The following NTN1 variants were observed in gnomAD, a reference collection of about 807,000 sequenced individuals.
NTN1 encodes the protein netrin 1.
In NTN1, 11 loss-of-function variants were observed where a neutral mutation model predicts 54.2. The observed-to-expected ratio is 0.20, with a 90% CI of 0.13 to 0.34. NTN1 has a LOEUF of 0.34. NTN1 is among the 10% of genes least tolerant of loss of function. NTN1 has a pLI of 1.00. For synonymous variants in NTN1, 371 were observed against 382.0 expected, an observed-to-expected ratio of 0.97 and a Z score of 0.33; for missense variants, 740 against 893.1, an observed-to-expected ratio of 0.83 and a Z score of 2.18.
At chr17:9,113,408 C>T (rs1167066647) in intron 2 of NTN1, among the ~76,000 whole-genome samples, 1 of 152,122 alleles carries the variant, frequency 6.6e-6, no homozygotes, top group Non-Finnish European at 1.5e-5. Flanking sequence ...TAAAGGCTCA[C>T]AGGAACTTAA....
At chr17:9,195,673 G>A (rs1273752925) in intron 5 of NTN1, among the ~76,000 whole-genome samples, 1 of 152,112 alleles carries the variant, frequency 6.6e-6, no homozygotes, top group African/African-American at 2.4e-5. Context: ...GTGGTGGGAG[G>A]GGACTTGTAG....
intron 5 of NTN1, among the ~76,000 whole-genome samples, chr17:9,198,929 C>T (rs914804164): frequency 6.6e-6 from 1 of 152,186 alleles, no homozygotes; most frequent in Non-Finnish European, 1.5e-5. Context: ...AGCTCCATTC[C>T]TGGTACCCAC....
At chr17:9,010,463 G>C in the NTN1 span, among the ~76,000 whole-genome samples, 142 of 152,294 alleles carry the variant, frequency 9.3e-4, no homozygotes, top group African/African-American at 3.2e-3. Context: ...GTGAGATGTG[G>C]TCACTTCCCG....
chr17:9,108,840 T>C (rs192400191), intron 2 of NTN1, among the ~76,000 whole-genome samples: 1 of 152,284 alleles, frequency 6.6e-6, no homozygotes, highest in Admixed American at 6.5e-5. Flanking sequence ...AGTTATATCT[T>C]TCTCTTCAAT....
chr17:9,021,929 A>G lies in NTN1; in HGVS notation c.-64+344A>G, dbSNP rs1202888682. On this transcript the variant is annotated intron_variant, in intron 1 of 6. Coordinates refer to ENST00000173229, the MANE Select transcript of NTN1 (RefSeq NM_004822.3). The stretch of plus-strand genomic sequence containing the variant: ...CGCGATCGGGGGGCATCTGAGAGGG[A>G]CCCCGGGCTGCGAGACGAAGGGGCG... 2.0e-5 allele frequency among the ~76,000 whole-genome samples: 3 copies of G among 151,734 alleles called. No individual in the cohort carries two copies. In the East Asian group the frequency reaches 5.9e-4, roughly 30 times the overall value.
chr17:9,012,404 G>A, the NTN1 span, among the ~76,000 whole-genome samples: 9 of 152,096 alleles, frequency 5.9e-5, no homozygotes, highest in Non-Finnish European at 8.8e-5. Flanking sequence ...CCAGCTACTT[G>A]GGAGGCTGAG....
At chr17:9,162,184 G>A (rs772119169) in intron 2 of NTN1, among the ~76,000 whole-genome samples, 16 of 152,208 alleles carry the variant, frequency 1.1e-4, no homozygotes, top group Admixed American at 2.6e-4. Flanking sequence ...AGGCCCCAGA[G>A]TCCTCGGTGG....
intron 2 of NTN1, among the ~76,000 whole-genome samples, chr17:9,091,396 A>G (rs948573808): frequency 7.9e-5 from 12 of 151,462 alleles, no homozygotes; most frequent in African/African-American, 2.9e-4. Flanking sequence ...CTGGAACTAC[A>G]GGCTCAAGCC....
intron 2 of NTN1, among the ~76,000 whole-genome samples, chr17:9,062,811 G>A (rs1447550457): frequency 6.6e-6 from 1 of 152,162 alleles, no homozygotes; most frequent in African/African-American, 2.4e-5. Flanking sequence ...CACCCAGCGT[G>A]TCTGTAGGTG....
At chr17:9,040,811 T>G (rs2091918908) in intron 2 of NTN1, among the ~76,000 whole-genome samples, 1 of 152,246 alleles carries the variant, frequency 6.6e-6, no homozygotes, top group Admixed American at 6.5e-5. Flanking sequence ...TTTTTTTGTT[T>G]GTTTTTTTGT....
chr17:9,115,369 T>G (rs1351737316), intron 2 of NTN1, among the ~76,000 whole-genome samples: 1 of 152,222 alleles, frequency 6.6e-6, no homozygotes, highest in African/African-American at 2.4e-5. Flanking sequence ...GCGTCAGCCT[T>G]GCATGTGTTC....
At chr17:9,088,199 G>T (rs190983607) in intron 2 of NTN1, among the ~76,000 whole-genome samples, 1 of 152,236 alleles carries the variant, frequency 6.6e-6, no homozygotes, top group Non-Finnish European at 1.5e-5. Context: ...CCCGACGGCC[G>T]TGCCGAGGGA....
At chr17:9,170,368 GCA>G (rs1481931961) in intron 3 of NTN1, among the ~76,000 whole-genome samples, 2 of 152,214 alleles carry the variant, frequency 1.3e-5, no homozygotes, top group Admixed American at 6.5e-5. Context: ...GCCATTGTCA[GCA>G]CACACACAAA....
chr17:9,092,425 T>G (rs1046457820), intron 2 of NTN1, among the ~76,000 whole-genome samples: 4 of 150,106 alleles, frequency 2.7e-5, no homozygotes, highest in Non-Finnish European at 4.4e-5. Flanking sequence ...GTAGCTGGTA[T>G]TATAGGCGCA....
chr17:9,196,490 TCG>T (rs1300183524), intron 5 of NTN1, among the ~76,000 whole-genome samples: 1 of 152,196 alleles, frequency 6.6e-6, no homozygotes, highest in Non-Finnish European at 1.5e-5. Context: ...GATTTTCCTC[TCG>T]GCAGCTCTCT....
chr17:9,097,451 C>T (rs148762092), intron 2 of NTN1, among the ~76,000 whole-genome samples: 11,116 of 152,168 alleles, frequency 0.073, 576 homozygotes, highest in Middle Eastern at 0.15. Flanking sequence ...GGTGAAACCT[C>T]ATCTCTACTA....
chr17:9,052,269 C>T (rs1433495075), intron 2 of NTN1, among the ~76,000 whole-genome samples: 1 of 152,206 alleles, frequency 6.6e-6, no homozygotes, highest in African/African-American at 2.4e-5. Flanking sequence ...CCACTCCCGG[C>T]CCCAAAGGCA....
At chr17:9,210,802 A>T (rs1421016866) in intron 5 of NTN1, among the ~76,000 whole-genome samples, 1 of 144,546 alleles carries the variant, frequency 6.9e-6, no homozygotes. Context: ...GCTACTTGGG[A>T]GGTTGAGGCG....
chr17:9,228,895 A>C, intron 6 of NTN1, among the ~76,000 whole-genome samples: 1 of 67,050 alleles, frequency 1.5e-5, no homozygotes, highest in African/African-American at 7.3e-5. Flanking sequence ...CGCATGTGTG[A>C]TTGTGTTCGT....
Sources: allele counts gnomAD v4.1 joint callset (sites outside exome capture counted in the v4.1 genomes callset), GRCh38; gene constraint gnomAD v4.1.1; transcripts MANE v1.5; gene names NCBI Gene and HGNC (gene_info 2026-07-23, HGNC 2026-07-21).